The following CSMD1 variants were observed in gnomAD, a reference collection of about 807,000 sequenced individuals.
CSMD1 encodes the protein CUB and Sushi multiple domains 1, also known as CUB and sushi domain-containing protein 1.
A neutral mutation model predicts 417.5 loss-of-function variants in CSMD1; 213 were observed. The ratio of observed to expected loss-of-function variants is 0.51; its 90% CI spans 0.46 to 0.57. CSMD1 has a LOEUF of 0.57. Ranked by LOEUF, CSMD1 falls within the 20% of genes least tolerant of loss-of-function variation. CSMD1 has a pLI of 0.00. For synonymous variants in CSMD1, 2,862 were observed against 1,736.8 expected (o/e 1.65, Z -16.11); for missense variants, 6,923 against 4,529.7 (o/e 1.53, Z -15.17).
Position 4,232,661 on chromosome 8 carries a change from A to C in CSMD1, c.415+187292T>G, listed in dbSNP as rs186651010. On this transcript the variant is annotated intron_variant, in intron 3 of 69. Transcript: ENST00000635120. The stretch of plus-strand genomic sequence containing the variant: ...TTTCATCACTAAATCTTACTTTCTT[A>C]ACTAAAACTCTCACCTAAACTGAAG... 1.5e-3 allele frequency among the ~76,000 whole-genome samples: 224 copies of C among 152,206 alleles called. 4 individuals are homozygous for C. Among genetic ancestry groups the C allele is most frequent in the African/African-American group, 5.0e-3 (206 of 41,552 alleles).
At chr8:4,089,748 T>G (rs1243062787) in intron 3 of CSMD1, among the ~76,000 whole-genome samples, 1 of 152,096 alleles carries the variant, frequency 6.6e-6, no homozygotes, top group African/African-American at 2.4e-5. Flanking sequence ...ACAACATCAT[T>G]CATTAGTTTG....
chr8:4,787,273 T>C (rs991131437), intron 1 of CSMD1: 59 of 612,914 alleles, frequency 9.6e-5, no homozygotes, highest in South Asian at 2.3e-4. Context: ...ATCACCCCTC[T>C]TTTCTAGAGC....
intron 12 of CSMD1, among the ~76,000 whole-genome samples, chr8:3,419,656 GA>G (rs769908289): frequency 1.0e-4 from 15 of 149,548 alleles, no homozygotes; most frequent in South Asian, 2.1e-4. Flanking sequence ...AAATAAATAG[GA>G]AAAAAAAAGT....
At chr8:3,781,369 G>A (rs576283456) in intron 5 of CSMD1, among the ~76,000 whole-genome samples, 13 of 152,046 alleles carry the variant, frequency 8.6e-5, no homozygotes, top group Non-Finnish European at 1.3e-4. Context: ...CAGGTCAAGC[G>A]CATTCTATAG....
intron 7 of CSMD1, among the ~76,000 whole-genome samples, chr8:3,652,310 C>G (rs1300711716): frequency 1.3e-5 from 2 of 151,822 alleles, no homozygotes; most frequent in Non-Finnish European, 2.9e-5. Context: ...GCATGCTTAA[C>G]CACCATCGGA....
chr8:4,517,270 A>G (rs936018308), intron 2 of CSMD1, among the ~76,000 whole-genome samples: 2 of 152,216 alleles, frequency 1.3e-5, no homozygotes, highest in Non-Finnish European at 2.9e-5. Flanking sequence ...GTAATTTTAG[A>G]CTAACGTAGT....
intron 2 of CSMD1, among the ~76,000 whole-genome samples, chr8:4,433,492 T>G (rs763128381): frequency 6.6e-6 from 1 of 152,200 alleles, no homozygotes; most frequent in South Asian, 2.1e-4. Context: ...CGCGGCCAAG[T>G]GTTTCCCTCA....
intron 2 of CSMD1, among the ~76,000 whole-genome samples, chr8:4,464,978 T>C (rs1243760913): frequency 6.6e-6 from 1 of 152,106 alleles, no homozygotes; most frequent in Non-Finnish European, 1.5e-5. Context: ...GCCACCAGAA[T>C]GACTTCTTTT....
chr8:3,725,665 C>T (rs915373425), intron 6 of CSMD1, among the ~76,000 whole-genome samples: 2 of 151,806 alleles, frequency 1.3e-5, no homozygotes, highest in African/African-American at 2.4e-5. Flanking sequence ...CAGTGGAGGA[C>T]CCGGTCTCAG....
chr8:3,161,954 G>T (rs779815236), intron 38 of CSMD1, among the ~76,000 whole-genome samples: 6 of 152,196 alleles, frequency 3.9e-5, no homozygotes, highest in Non-Finnish European at 7.4e-5. Context: ...AAAATACAAT[G>T]CTTAGCTTTG....
chr8:3,569,086 G>C lies in CSMD1; in HGVS notation c.1344+5859C>G, dbSNP rs114976857. 8.8e-3 allele frequency among the ~76,000 whole-genome samples: 1,332 copies of C among 152,120 alleles called. 19 individuals are homozygous for C. Among genetic ancestry groups the C allele is most frequent in the African/African-American group, 0.03 (1,256 of 41,482 alleles). ...ATATCATATAATATTACTTTGCATT[G>C]ACTTTCTACCAGAATACCCTGGTAT... On this transcript the variant is annotated intron_variant, in intron 10 of 69. Transcript: ENST00000635120.
chr8:4,175,189 T>A (rs761889198), intron 3 of CSMD1, among the ~76,000 whole-genome samples: 100 of 152,196 alleles, frequency 6.6e-4, no homozygotes, highest in Middle Eastern at 3.4e-3. Context: ...TAATTACTTC[T>A]TACTGGGGAA....
intron 5 of CSMD1, among the ~76,000 whole-genome samples, chr8:3,989,826 C>G (rs1409335266): frequency 6.6e-6 from 1 of 152,130 alleles, no homozygotes; most frequent in African/African-American, 2.4e-5. Flanking sequence ...GTAACCCAAG[C>G]AACAAAATGT....
intron 2 of CSMD1, among the ~76,000 whole-genome samples, chr8:4,436,895 C>T (rs1479063348): frequency 6.6e-6 from 1 of 152,206 alleles, no homozygotes; most frequent in East Asian, 1.9e-4. Flanking sequence ...TTAAGAACCA[C>T]ATTTTCTTTA....
chr8:3,330,695 T>C (rs536197945), intron 23 of CSMD1, among the ~76,000 whole-genome samples: 2 of 152,206 alleles, frequency 1.3e-5, no homozygotes, highest in African/African-American at 4.8e-5. Context: ...CAAACCCCCG[T>C]GACATGAGTT....
chr8:4,088,012 T>C (rs1442427450), intron 3 of CSMD1, among the ~76,000 whole-genome samples: 2 of 152,144 alleles, frequency 1.3e-5, no homozygotes, highest in African/African-American at 4.8e-5. Context: ...TTTATTAGAA[T>C]ATCATTTCTG....
At chr8:3,388,462 G>C (rs1811145835) in intron 17 of CSMD1, among the ~76,000 whole-genome samples, 1 of 152,130 alleles carries the variant, frequency 6.6e-6, no homozygotes, top group East Asian at 1.9e-4. Context: ...AAAAATCCTT[G>C]TTATTGCTGT....
At position 3,347,645 on chromosome 8, in the gene CSMD1, T is replaced by C. The variant is rs151017074; in HGVS notation, c.3474+347A>G. 3.9e-5 allele frequency among the ~76,000 whole-genome samples: 6 copies of C among 152,334 alleles called. No homozygotes were observed. In the East Asian group the frequency reaches 1.2e-3, roughly 29 times the overall value. On this transcript the variant is annotated intron_variant, in intron 22 of 69. Coordinates refer to ENST00000635120, the MANE Select transcript of CSMD1 (RefSeq NM_033225.6). The stretch of plus-strand genomic sequence containing the variant: ...ACACAATGCTAGGAACATCCACTTA[T>C]ATTATTGTATTAAATCCTCAAGACA...
intron 7 of CSMD1, among the ~76,000 whole-genome samples, chr8:3,649,113 G>C (rs1563232556): frequency 6.6e-6 from 1 of 152,142 alleles, no homozygotes; most frequent in Non-Finnish European, 1.5e-5. Flanking sequence ...CAGTGATTCA[G>C]TAGCAATACT....
Sources: allele counts gnomAD v4.1 joint callset (sites outside exome capture counted in the v4.1 genomes callset), GRCh38; gene constraint gnomAD v4.1.1; transcripts MANE v1.5; gene names NCBI Gene and HGNC (gene_info 2026-07-23, HGNC 2026-07-21).